The following WDR41 variants were observed in gnomAD, a reference collection of about 807,000 sequenced individuals.
WDR41 encodes WD repeat-containing protein 41.
WDR41 carries 63 observed loss-of-function variants against 69.3 expected under a neutral mutation model. The ratio of observed to expected loss-of-function variants is 0.91; its 90% CI spans 0.74 to 1.12. The LOEUF (loss-of-function observed/expected upper bound fraction) is 1.12, where lower values mean the gene tolerates loss of function less well. Ranked by LOEUF, WDR41 falls within the 50% of genes most tolerant of loss-of-function variation. The pLI, the probability that WDR41 is intolerant of heterozygous loss-of-function variation, is 0.00. For missense variants in WDR41, 543 were observed against 534.5 expected (o/e 1.02, Z -0.16); for synonymous variants, 185 against 192.1 (o/e 0.96, Z 0.31).
At chr5:77,521,440 T>C (rs1486799327) in intron 1 of WDR41, among the ~76,000 whole-genome samples, 1 of 152,210 alleles carries the variant, frequency 6.6e-6, no homozygotes, top group Admixed American at 6.5e-5. Context: ...GGTTGGAGAC[T>C]CCTACTTAAA....
At chr5:77,503,789 T>C (rs953665507) in intron 1 of WDR41, among the ~76,000 whole-genome samples, 1 of 151,960 alleles carries the variant, frequency 6.6e-6, no homozygotes, top group Non-Finnish European at 1.5e-5. Flanking sequence ...GGGGAAATAA[T>C]GACATGAAGG....
chr5:77,434,528 C>CA, intron 12 of WDR41, among the ~76,000 whole-genome samples: 1 of 151,724 alleles, frequency 6.6e-6, no homozygotes, highest in South Asian at 2.1e-4. Context: ...AACATGGTGA[C>CA]ACCCCATCTC....
At chr5:77,587,821 T>G (rs149437408) in intron 1 of WDR41, among the ~76,000 whole-genome samples, 5 of 152,250 alleles carry the variant, frequency 3.3e-5, no homozygotes, top group Non-Finnish European at 7.4e-5. Flanking sequence ...ACAAGGAGAT[T>G]AGGACACATG....
chr5:77,571,150 T>C (rs1173511070), intron 1 of WDR41, among the ~76,000 whole-genome samples: 3 of 152,086 alleles, frequency 2.0e-5, no homozygotes, highest in African/African-American at 7.2e-5. Context: ...ATAAAATTAA[T>C]AAAAATAAGG....
intron 2 of WDR41, among the ~76,000 whole-genome samples, chr5:77,480,415 G>C (rs1400960007): frequency 6.6e-6 from 1 of 152,036 alleles, no homozygotes; most frequent in African/African-American, 2.4e-5. Flanking sequence ...CAAGGACTTG[G>C]AACCAACCCA....
At chr5:77,613,488 C>T (rs868225884) in intron 1 of WDR41, among the ~76,000 whole-genome samples, 4,820 of 151,970 alleles carry the variant, frequency 0.032, 85 homozygotes, top group South Asian at 0.056. Flanking sequence ...AGAAATAACG[C>T]CGCATATCTA....
At chr5:77,434,366 A>C (rs1798856227) in intron 12 of WDR41, among the ~76,000 whole-genome samples, 1 of 152,124 alleles carries the variant, frequency 6.6e-6, no homozygotes, top group African/African-American at 2.4e-5. Flanking sequence ...TGAAGACCAC[A>C]GGATAAGACT....
intron 6 of WDR41, chr5:77,451,587 T>A: frequency 2.4e-6 from 1 of 416,656 alleles, no homozygotes; most frequent in Non-Finnish European, 4.3e-6. Context: ...GGGGTTGGGT[T>A]TTTTTGTACT....
At chr5:77,436,639 A>C (rs1370927583) in intron 11 of WDR41, among the ~76,000 whole-genome samples, 3 of 152,204 alleles carry the variant, frequency 2.0e-5, no homozygotes, top group Non-Finnish European at 4.4e-5. Flanking sequence ...ATTAACAAAA[A>C]GACACTTGGA....
At chr5:77,498,183 T>C (rs899588088) in intron 1 of WDR41, among the ~76,000 whole-genome samples, 20 of 152,214 alleles carry the variant, frequency 1.3e-4, no homozygotes, top group African/African-American at 4.3e-4. Flanking sequence ...TTATACAATA[T>C]TGTGAATGTA....
intron 1 of WDR41, among the ~76,000 whole-genome samples, chr5:77,517,631 C>CATATATATATATATATATATATATAT (rs34773798): frequency 6.4e-5 from 9 of 141,186 alleles, no homozygotes; most frequent in Middle Eastern, 3.8e-3. Context: ...ATTTATTGAA[C>CATATATATATATATATATATATATAT]ATATATATAT....
intron 1 of WDR41, among the ~76,000 whole-genome samples, chr5:77,600,596 T>C (rs1744305024): frequency 6.6e-6 from 1 of 152,122 alleles, no homozygotes; most frequent in African/African-American, 2.4e-5. Context: ...TTTCACATAG[T>C]TGAGGCCGGG....
At chr5:77,598,834 A>G (rs1370988168) in intron 1 of WDR41, among the ~76,000 whole-genome samples, 1 of 152,074 alleles carries the variant, frequency 6.6e-6, no homozygotes, top group Non-Finnish European at 1.5e-5. Context: ...GTCCTGAAGT[A>G]TTTTAAATTC....
At position 77,437,331 on chromosome 5, in the gene WDR41, C is replaced by G; in HGVS notation, c.1093+5G>C. On this transcript the variant is annotated splice_donor_5th_base_variant and intron_variant, in intron 11 of 12. Transcript: ENST00000296679. The stretch of plus-strand genomic sequence containing the variant: ...AAGACTACCTTTTTGAGAGAAGACA[C>G]ACACCTGTTGGTACAGGCTCAGCTG... The G allele has an allele frequency of 6.2e-7, 1 of 1,612,714 alleles. No individual in the cohort carries two copies.
intron 8 of WDR41, among the ~76,000 whole-genome samples, chr5:77,443,274 G>A (rs963141195): frequency 3.9e-5 from 6 of 151,950 alleles, no homozygotes; most frequent in East Asian, 1.9e-4. Context: ...CACATTAATC[G>A]TATTAAAACA....
intron 1 of WDR41, among the ~76,000 whole-genome samples, chr5:77,542,501 G>C (rs1178995662): frequency 6.6e-6 from 1 of 152,152 alleles, no homozygotes; most frequent in Non-Finnish European, 1.5e-5. Flanking sequence ...ATATGTGATA[G>C]ACTGAAAACA....
At chr5:77,570,231 T>C (rs1055590510) in intron 1 of WDR41, among the ~76,000 whole-genome samples, 1 of 152,028 alleles carries the variant, frequency 6.6e-6, no homozygotes, top group African/African-American at 2.4e-5. Context: ...TTCTCCATCA[T>C]AGGCTATACT....
intron 1 of WDR41, among the ~76,000 whole-genome samples, chr5:77,542,274 A>G (rs2112226377): frequency 6.6e-6 from 1 of 152,180 alleles, no homozygotes; most frequent in African/African-American, 2.4e-5. Context: ...GGCCTACTGG[A>G]GGGTAAAGGG....
At chr5:77,480,568 G>T (rs940262817) in intron 2 of WDR41, among the ~76,000 whole-genome samples, 2 of 151,604 alleles carry the variant, frequency 1.3e-5, no homozygotes, top group East Asian at 1.9e-4. Context: ...GTAAACTATT[G>T]CAAGAACAAA....
Sources: gnomAD v4.1 joint callset for allele counts (sites outside exome capture counted in the v4.1 genomes callset) on GRCh38, gnomAD v4.1.1 for gene constraint, MANE v1.5 for transcripts, NCBI Gene and HGNC (gene_info 2026-07-23, HGNC 2026-07-21) for gene names.